The following RIT2 variants were observed in gnomAD, a reference collection of about 807,000 sequenced individuals.
RIT2 encodes GTP-binding protein Rit2.
RIT2 carries 24 observed loss-of-function variants against 23.7 expected under a neutral mutation model. The observed-to-expected ratio is 1.01, with a 90% CI of 0.73 to 1.43. The LOEUF (loss-of-function observed/expected upper bound fraction) is 1.43. RIT2 is among the 40% of genes most tolerant of loss of function. RIT2 has a pLI of 0.00. For missense variants in RIT2, 236 were observed against 266.9 expected, an observed-to-expected ratio of 0.88 and a Z score of 0.81; for synonymous variants, 107 against 91.1, an observed-to-expected ratio of 1.17 and a Z score of -0.99.
intron 1 of RIT2, among the ~76,000 whole-genome samples, chr18:43,106,251 A>T (rs919572427): frequency 8.5e-5 from 13 of 152,354 alleles, no homozygotes; most frequent in African/African-American, 3.1e-4. Flanking sequence ...AAAACAAGAA[A>T]CATTCCTCTT....
chr18:42,995,538 C>G (rs10853501), intron 2 of RIT2, among the ~76,000 whole-genome samples: 145,000 of 152,202 alleles, frequency 0.95, 69,452 homozygotes, highest in East Asian at 1. Context: ...TTAGTCAAAT[C>G]AGTCAAGCAT....
intron 3 of RIT2, among the ~76,000 whole-genome samples, chr18:42,967,028 C>A (rs1598732998): frequency 6.6e-6 from 1 of 151,798 alleles, no homozygotes; most frequent in African/African-American, 2.4e-5. Flanking sequence ...AATCCTTTCC[C>A]AATTGATCAA....
At chr18:42,870,861 C>T (rs1273856992) in intron 4 of RIT2, among the ~76,000 whole-genome samples, 1 of 152,188 alleles carries the variant, frequency 6.6e-6, no homozygotes, top group Admixed American at 6.5e-5. Context: ...TGTCAATATA[C>T]CTTTCAATAG....
chr18:43,014,460 G>T (rs756363096), intron 2 of RIT2, among the ~76,000 whole-genome samples: 70 of 151,576 alleles, frequency 4.6e-4, no homozygotes, highest in Non-Finnish European at 9.6e-4. Context: ...ATGTTAAGCA[G>T]AAAGAAGGAT....
chr18:43,090,830 C>T (rs745941662), intron 1 of RIT2, among the ~76,000 whole-genome samples: 6 of 152,030 alleles, frequency 3.9e-5, no homozygotes, highest in Admixed American at 6.6e-5. Context: ...GATGAGAACA[C>T]GTGTACACAT....
At chr18:42,903,632 T>C (rs1188027475) in intron 4 of RIT2, among the ~76,000 whole-genome samples, 3 of 152,066 alleles carry the variant, frequency 2.0e-5, no homozygotes, top group East Asian at 3.9e-4. Flanking sequence ...CCATGACTGC[T>C]ACCACTACCC....
At chr18:42,905,423 T>C (rs763394481) in intron 4 of RIT2, among the ~76,000 whole-genome samples, 1 of 152,224 alleles carries the variant, frequency 6.6e-6, no homozygotes, top group Non-Finnish European at 1.5e-5. Context: ...TAAAACATTC[T>C]GTATTATATC....
intron 3 of RIT2, among the ~76,000 whole-genome samples, chr18:42,966,837 T>C (rs2144194004): frequency 6.6e-6 from 1 of 152,202 alleles, no homozygotes; most frequent in African/African-American, 2.4e-5. Context: ...TATATATATA[T>C]ATGATCTATA....
intron 3 of RIT2, among the ~76,000 whole-genome samples, chr18:42,971,261 C>T (rs1910355728): frequency 6.6e-6 from 1 of 151,956 alleles, no homozygotes; most frequent in Non-Finnish European, 1.5e-5. Context: ...TATAGACCAC[C>T]TCCTGAATGG....
At position 43,015,719 on chromosome 18, in the gene RIT2, G is replaced by A. The variant is rs528312887; in HGVS notation, c.160+18092C>T. On this transcript the variant is annotated intron_variant, in intron 2 of 4. Coordinates refer to ENST00000326695, the MANE Select transcript of RIT2 (RefSeq NM_002930.4). Reference sequence around the variant, plus strand: ...GAGTTTCCAAAAGCAGCAGAGCAGTGCCTGAAAATAAGTAATGAGCCATAA... The same window carrying A: ...GAGTTTCCAAAAGCAGCAGAGCAGTACCTGAAAATAAGTAATGAGCCATAA... 9.9e-5 allele frequency among the ~76,000 whole-genome samples: 15 copies of A among 151,778 alleles called. No individual in the cohort carries two copies. The South Asian group carries it at 3.1e-3, about 31-fold the overall frequency.
chr18:42,952,839 C>T (rs912083293), intron 3 of RIT2, among the ~76,000 whole-genome samples: 31 of 151,882 alleles, frequency 2.0e-4, no homozygotes, highest in African/African-American at 7.5e-4. Context: ...TATCAGAGTT[C>T]CTATATATCT....
chr18:42,844,175 C>T (rs867164783), intron 4 of RIT2, among the ~76,000 whole-genome samples: 22 of 152,128 alleles, frequency 1.4e-4, no homozygotes, highest in Non-Finnish European at 2.1e-4. Context: ...TGACAGTGCC[C>T]AGATGGGGGT....
At chr18:42,913,150 A>G (rs1318057882) in intron 4 of RIT2, among the ~76,000 whole-genome samples, 1 of 151,718 alleles carries the variant, frequency 6.6e-6, no homozygotes, top group Non-Finnish European at 1.5e-5. Flanking sequence ...TAAAAAGGGA[A>G]AAGACTCTTC....
At chr18:43,017,136 T>C (rs4274503) in intron 2 of RIT2, among the ~76,000 whole-genome samples, 10,704 of 151,966 alleles carry the variant, frequency 0.07, 591 homozygotes, top group East Asian at 0.25. Context: ...CAATTTTAAA[T>C]GTATCCCTAA....
chr18:42,940,915 G>C (rs1244572296), intron 3 of RIT2, among the ~76,000 whole-genome samples: 1 of 152,072 alleles, frequency 6.6e-6, no homozygotes, highest in African/African-American at 2.4e-5. Context: ...ACAAAATCTT[G>C]CTGGTCTAGG....
intron 4 of RIT2, among the ~76,000 whole-genome samples, chr18:42,806,968 A>C (rs1905701354): frequency 6.6e-6 from 1 of 152,230 alleles, no homozygotes; most frequent in Non-Finnish European, 1.5e-5. Context: ...ACTTTTTATC[A>C]TGGTAACTTT....
chr18:42,794,629 TA>T (rs925484508), intron 4 of RIT2, among the ~76,000 whole-genome samples: 1 of 152,192 alleles, frequency 6.6e-6, no homozygotes, highest in Non-Finnish European at 1.5e-5. Context: ...ACTTCTGATT[TA>T]AAAAAATATT....
At chr18:42,857,420 A>C (rs1907216376) in intron 4 of RIT2, among the ~76,000 whole-genome samples, 1 of 152,218 alleles carries the variant, frequency 6.6e-6, no homozygotes, top group Non-Finnish European at 1.5e-5. Context: ...TTGTTGGAAG[A>C]TAAAAGTTTT....
At chr18:43,052,813 G>T (rs749244949) in intron 1 of RIT2, among the ~76,000 whole-genome samples, 1 of 151,934 alleles carries the variant, frequency 6.6e-6, no homozygotes, top group Non-Finnish European at 1.5e-5. Flanking sequence ...ATATACATAG[G>T]TCTGTGACTT....
Sources: allele counts gnomAD v4.1 joint callset (sites outside exome capture counted in the v4.1 genomes callset), GRCh38; gene constraint gnomAD v4.1.1; transcripts MANE v1.5; gene names NCBI Gene and HGNC (gene_info 2026-07-23, HGNC 2026-07-21).